Variants in KIF21B observed in about 807,000 individuals in gnomAD.
KIF21B encodes kinesin-like protein KIF21B.
KIF21B carries 85 observed loss-of-function variants against 192.9 expected under a neutral mutation model. The observed-to-expected ratio is 0.44, with a 90% CI of 0.37 to 0.53. KIF21B has a LOEUF of 0.53. Ranked by LOEUF, KIF21B falls within the 20% of genes least tolerant of loss-of-function variation. KIF21B has a pLI of 0.00. For synonymous variants in KIF21B, 832 were observed against 884.6 expected (o/e 0.94, Z 1.05); for missense variants, 1,716 against 2,194.8 (o/e 0.78, Z 4.36).
chr1:201,006,685 C>T (rs888660313), intron 3 of KIF21B, among the ~76,000 whole-genome samples: 22 of 152,070 alleles, frequency 1.4e-4, no homozygotes, highest in African/African-American at 4.1e-4. Context: ...CCTGCTCTTC[C>T]GGGCTTCTCC....
In KIF21B at chr1:200,970,340, G is replaced by A. The variant is rs1010034796; in HGVS notation, c.*3181C>T. ...AGGCAGCAGGGCTGGACAGCTGAGG[G>A]TGAAGAGATTCCTAGGCTGAATCCA... On this transcript the variant is annotated 3_prime_UTR_variant, in exon 35 of 35. Coordinates refer to ENST00000461742, the MANE Select transcript of KIF21B (RefSeq NM_001252102.2). The A allele has an allele frequency of 2.0e-5, 3 of 152,942 alleles. No homozygotes were observed. The Admixed American group carries it at 2.0e-4, about 10-fold the overall frequency. 9.5% of individuals were successfully genotyped at this position (152,942 alleles called of 1,614,324 possible).
intron 3 of KIF21B, among the ~76,000 whole-genome samples, chr1:201,005,904 T>C (rs915756195): frequency 2.6e-5 from 4 of 151,138 alleles, no homozygotes; most frequent in Non-Finnish European, 4.5e-5. Context: ...ACACTGTTCC[T>C]CATTCCCTAA....
intron 3 of KIF21B, among the ~76,000 whole-genome samples, 178 bp from the exon 4 acceptor site, chr1:201,005,872 G>A (rs919925653): frequency 6.6e-6 from 1 of 152,224 alleles, no homozygotes; most frequent in Admixed American, 6.5e-5. Flanking sequence ...CTGGGCCCTG[G>A]GCAGAACTAG....
rs1655466032 is a variant in KIF21B at position 200,975,262 on chromosome 1, G to A, written c.4614+237C>T. On this transcript the variant is annotated intron_variant, in intron 33 of 34. Transcript: ENST00000461742. The surrounding 1 kb of genome is among the most constrained non-coding windows in gnomAD (Gnocchi z 4.3). ...TGCAAACCCAAGAGCTGAGAGCAAA[G>A]GCTTTGCTGAGAGCAGGTTGCCTAA... Among the ~76,000 whole-genome samples the A allele has an allele frequency of 6.6e-6, 1 of 152,248 alleles. No individual in the cohort carries two copies. The highest frequency in any genetic ancestry group is 1.5e-5 in the Non-Finnish European group (1 of 68,044).
In KIF21B at chr1:200,990,916, C is replaced by T. The variant is rs1228521125; in HGVS notation, c.2687+1G>A. The stretch of plus-strand genomic sequence containing the variant: ...GCCAGGGGACTGCCAGTCCACCTTA[C>T]CGGGCAGGACGGGTGCCATTGACAG... On this transcript the variant is annotated splice_donor_variant, in intron 18 of 34. Coordinates refer to ENST00000461742, the MANE Select transcript of KIF21B (RefSeq NM_001252102.2). LOFTEE classifies it high-confidence loss of function. This position sits in a 1 kb window ranked among gnomAD's most constrained non-coding sequence, Gnocchi z 5.4. The T allele has an allele frequency of 6.2e-7, 1 of 1,614,104 alleles. No individual in the cohort carries two copies. Among genetic ancestry groups the T allele is most frequent in the Non-Finnish European group, 8.5e-7 (1 of 1,180,034 alleles).
rs919068287 is a variant in KIF21B at position 200,982,266 on chromosome 1, G to A, written c.3842+790C>T. On this transcript the variant is annotated intron_variant, in intron 28 of 34. Transcript: ENST00000461742. The surrounding 1 kb of genome is among the most constrained non-coding windows in gnomAD (Gnocchi z 4.7). Reference sequence around the variant, plus strand: ...CCCCCGATGACAGCCTGGCCAGCTGGCTAACATCTTGTGGTGGCAAAGCCT... The same window carrying A: ...CCCCCGATGACAGCCTGGCCAGCTGACTAACATCTTGTGGTGGCAAAGCCT... 1.3e-5 allele frequency among the ~76,000 whole-genome samples: 2 copies of A among 152,208 alleles called. No homozygotes were observed. Among genetic ancestry groups the A allele is most frequent in the Non-Finnish European group, 2.9e-5 (2 of 68,032 alleles).
At position 200,973,446 on chromosome 1, in the gene KIF21B, C is replaced by T. The variant is rs979349626; in HGVS notation, c.*75G>A. ...CCCCAGAGCAGCTGGCCCCATCGGCCGGGTCACAGCTTCCCTTCCATGGTG... is the reference window on the plus strand; with the variant it reads ...CCCCAGAGCAGCTGGCCCCATCGGCTGGGTCACAGCTTCCCTTCCATGGTG... On this transcript the variant is annotated 3_prime_UTR_variant, in exon 35 of 35. Coordinates refer to ENST00000461742, the MANE Select transcript of KIF21B (RefSeq NM_001252102.2). The T allele has an allele frequency of 1.5e-5, 21 of 1,377,568 alleles. No homozygotes were observed. The East Asian group carries it at 2.1e-4, about 14-fold the overall frequency. The allele number at this position is 1,377,568 out of a possible 1,614,324, so 85.3% of individuals were successfully genotyped here.
rs146087011 is a variant in KIF21B, at chr1:201,014,707, C to T, written c.42-5219G>A. 3.7e-3 allele frequency among the ~76,000 whole-genome samples: 563 copies of T among 152,308 alleles called. 2 individuals carry two copies. Among genetic ancestry groups the T allele is most frequent in the African/African-American group, 0.012 (514 of 41,572 alleles). ...GCTCAGCTTCTTAGGTGAAGTCAGT[C>T]CCACCCAATCAGCTGGCTAGGGTCC... On this transcript the variant is annotated intron_variant, in intron 1 of 34. Transcript: ENST00000461742.
In KIF21B at chr1:200,984,963, A is replaced by G; in HGVS notation, c.3699T>C (p.Asp1233=). 1 of 1,606,422 alleles carries G rather than the reference A, an allele frequency of 6.2e-7. No individual in the cohort carries two copies. Among genetic ancestry groups the G allele is most frequent in the South Asian group, 1.1e-5 (1 of 90,216 alleles). The change falls in exon 27 of 35, where the codon GAT becomes GAC. Residue 1233 remains aspartate, a synonymous_variant. Coordinates refer to ENST00000461742, the MANE Select transcript of KIF21B (RefSeq NM_001252102.2). ...GGGATGATGGGGGTGTGAATCCCACATCTGTGGACCTGGTGAGTCGGGACA... is the reference window on the plus strand; with the variant it reads ...GGGATGATGGGGGTGTGAATCCCACGTCTGTGGACCTGGTGAGTCGGGACA... ...YDRGQPIRST[D]VGFTPPSSPP...
intron 16 of KIF21B, among the ~76,000 whole-genome samples, 199 bp downstream of exon 16, chr1:200,992,083 C>G (rs1483823634): frequency 6.6e-6 from 1 of 152,254 alleles, no homozygotes; most frequent in Non-Finnish European, 1.5e-5. Flanking sequence ...AGTCCCTCCT[C>G]TTAACATGTG....
Position 200,985,058 on chromosome 1 carries a change from T to C in KIF21B, c.3690-86A>G, listed in dbSNP as rs12141466. The C allele has an allele frequency of 0.21, 178,546 of 869,954 alleles. 20,450 individuals carry two copies. Among genetic ancestry groups the C allele is most frequent in the African/African-American group, 0.43 (24,432 of 56,966 alleles). The allele number at this position is 869,954 out of a possible 1,614,324, so 53.9% of individuals were successfully genotyped here. A position where few individuals can be genotyped will look rare whatever the true frequency, so the allele number is the denominator to read the frequency against. On this transcript the variant is annotated intron_variant, in intron 26 of 34. Coordinates refer to ENST00000461742, the MANE Select transcript of KIF21B (RefSeq NM_001252102.2). ...TGGTGCTGGGCTTCCACCTTCTGCCTTGTGAGGCCCGCAGGACAGGGTCTG... is the reference window on the plus strand; with the variant it reads ...TGGTGCTGGGCTTCCACCTTCTGCCCTGTGAGGCCCGCAGGACAGGGTCTG...
At chr1:201,002,399 G>C in intron 8 of KIF21B, 49 bp from the exon 9 acceptor site, 4 of 1,526,440 alleles carry the variant, frequency 2.6e-6, no homozygotes, top group Non-Finnish European at 2.7e-6. Context: ...GCTCGCGGTT[G>C]GGGGGGTAAG....
chr1:201,022,319 C>A (rs531120547), intron 1 of KIF21B, among the ~76,000 whole-genome samples: 6 of 152,192 alleles, frequency 3.9e-5, no homozygotes, highest in Admixed American at 3.3e-4. Flanking sequence ...GACAATCCCC[C>A]GCCCCCTCCA....
intron 15 of KIF21B, 60 bp downstream of exon 15, chr1:200,996,136 G>A (rs1657048995): frequency 6.1e-6 from 9 of 1,465,718 alleles, no homozygotes. Context: ...GATGGTGAGT[G>A]GATTCTAAGA....
At chr1:200,977,015 G>T in intron 31 of KIF21B, 122 bp from the exon 32 acceptor site, 1 of 975,874 alleles carries the variant, frequency 1.0e-6, no homozygotes, top group Non-Finnish European at 1.5e-6. Context: ...TCTCGCTCAA[G>T]GCAAGATCAA....
intron 26 of KIF21B, among the ~76,000 whole-genome samples, chr1:200,986,463 T>C (rs1422641361): frequency 1.3e-5 from 2 of 151,742 alleles, no homozygotes; most frequent in East Asian, 3.9e-4. Flanking sequence ...GTTCGAACCA[T>C]TCTAATGCCT....
rs1407289338 is a variant in KIF21B at position 201,023,334 on chromosome 1, G to C, written c.41+9C>G. On this transcript the variant is annotated intron_variant, in intron 1 of 34. Coordinates refer to ENST00000461742, the MANE Select transcript of KIF21B (RefSeq NM_001252102.2). This position sits in a 1 kb window ranked among gnomAD's most constrained non-coding sequence, Gnocchi z 5.9. ...TCCGCGCGCCCCCTTCCCCGCCCCG[G>C]GTCCCTACCTGACGGCCACCTTGAC... 2.0e-6 allele frequency: 3 copies of C among 1,528,218 alleles called. No homozygotes were observed. The highest frequency in any genetic ancestry group is 2.0e-5 in the Admixed American group (1 of 48,992). The allele number at this position is 1,528,218 out of a possible 1,614,324, so 94.7% of individuals were successfully genotyped here.
chr1:201,011,360 C>T lies in KIF21B; in HGVS notation c.42-1872G>A, dbSNP rs564581694. Among the ~76,000 whole-genome samples the T allele has an allele frequency of 5.9e-5, 9 of 152,360 alleles. No homozygotes were observed. In the East Asian group the frequency reaches 7.7e-4, roughly 13 times the overall value. ...TGGTCCTCACAACACTGGGAGGTGA[C>T]GATTATGACCCTCGTGTATGGATGA... is the stretch of plus-strand genomic sequence containing the variant. On this transcript the variant is annotated intron_variant, in intron 1 of 34. Coordinates refer to ENST00000461742, the MANE Select transcript of KIF21B (RefSeq NM_001252102.2).
chr1:201,000,400 G>A lies in KIF21B; in HGVS notation c.1675C>T (p.Arg559Trp), dbSNP rs762774383. 22 of 1,554,222 alleles carry A rather than the reference G, an allele frequency of 1.4e-5. No individual in the cohort carries two copies. The highest frequency in any genetic ancestry group is 1.9e-5 in the Non-Finnish European group (22 of 1,157,556). Residue 559 changes from arginine (R) to tryptophan (W), a missense_variant, in exon 11 of 35, where the codon CGG becomes TGG. Physicochemically the swap from Arg to Trp is moderately radical, Grantham distance 101. Transcript: ENST00000461742. The surrounding 1 kb of genome is among the most constrained non-coding windows in gnomAD (Gnocchi z 6.0). ...ERLKKKEVRQ[R>W]RKSPEKEAFK... ...CGACACTCCACTCACCTCTTCCTCC[G>A]CTGCCTGACCTCCTTCTTCTTTAGC...
Sources: gnomAD v4.1 joint callset for allele counts (sites outside exome capture counted in the v4.1 genomes callset) on GRCh38, gnomAD v4.1.1 for gene constraint, Gnocchi (gnomAD v3.1) non-coding constraint, MANE v1.5 for transcripts, NCBI Gene and HGNC (gene_info 2026-07-23, HGNC 2026-07-21) for gene names.